The following LY96 variants were observed in gnomAD, a reference collection of about 807,000 sequenced individuals.
The protein encoded by LY96 is myeloid differentiation protein-2.
In LY96, 18 loss-of-function variants were observed where a neutral mutation model predicts 18.9. The observed-to-expected ratio is 0.95, with a 90% confidence interval of 0.66 to 1.41. The LOEUF (loss-of-function observed/expected upper bound fraction) is 1.41, where lower values mean the gene tolerates loss of function less well. Among genes scored for constraint, LY96 ranks in the 40% most tolerant of loss-of-function variants. The pLI is 0.00. For missense variants in LY96, 175 were observed against 182.4 expected (o/e 0.96, Z 0.23); for synonymous variants, 66 against 62.6 (o/e 1.06, Z -0.26).
chr8:74,014,812 TACACACAC>T (rs111566455), intron 3 of LY96, among the ~76,000 whole-genome samples: 10 of 144,774 alleles, frequency 6.9e-5, no homozygotes, highest in Admixed American at 2.1e-4. Flanking sequence ...CTCACCAGTT[TACACACAC>T]ACACACACAC....
At chr8:74,027,381 C>A (rs1191426011) in intron 4 of LY96, among the ~76,000 whole-genome samples, 2 of 150,554 alleles carry the variant, frequency 1.3e-5, no homozygotes, top group African/African-American at 4.9e-5. Flanking sequence ...TCTGGACTCA[C>A]TGCAACTTCC....
chr8:74,088,142 A>ATAGAATAGAATAGAC, the LY96 span, among the ~76,000 whole-genome samples: 1 of 150,552 alleles, frequency 6.6e-6, no homozygotes, highest in South Asian at 2.1e-4. Flanking sequence ...ATAGAATAGA[A>ATAGAATAGAATAGAC]TAGAATAGAA....
the LY96 span, among the ~76,000 whole-genome samples, chr8:74,083,656 G>T: frequency 1.3e-5 from 2 of 152,152 alleles, no homozygotes; most frequent in Non-Finnish European, 2.9e-5. Context: ...TTTGATAGGT[G>T]CCTATGTTGT....
At chr8:74,079,252 C>G in the LY96 span, among the ~76,000 whole-genome samples, 10 of 152,208 alleles carry the variant, frequency 6.6e-5, no homozygotes, top group African/African-American at 2.2e-4. Flanking sequence ...TGGAATTACT[C>G]CATCAGCTTT....
the LY96 span, among the ~76,000 whole-genome samples, chr8:74,093,885 G>T: frequency 1.3e-5 from 2 of 151,968 alleles, no homozygotes; most frequent in Non-Finnish European, 2.9e-5. Context: ...TGTATTTTTT[G>T]TTGTTGTTAA....
the LY96 span, among the ~76,000 whole-genome samples, chr8:74,036,049 G>A: frequency 5.9e-5 from 9 of 152,224 alleles, no homozygotes; most frequent in African/African-American, 1.4e-4. Context: ...ATAAACTTTC[G>A]AAATTGAGAC....
In LY96 at chr8:73,991,432, G is replaced by T; in HGVS notation, c.-11G>T. 7 of 1,410,238 alleles carry T rather than the reference G, an allele frequency of 5.0e-6. No homozygotes were observed. Among genetic ancestry groups the T allele is most frequent in the Non-Finnish European group, 7.0e-6 (7 of 994,450 alleles). The allele number at this position is 1,410,238 out of a possible 1,614,324, so 87.4% of individuals were successfully genotyped here. ...CTCTTTGCATTTGTAAAGCTTTGGAGATATTGAATCATGTTACCATTTCTG... is the reference window on the plus strand; with the variant it reads ...CTCTTTGCATTTGTAAAGCTTTGGATATATTGAATCATGTTACCATTTCTG... On this transcript the variant is annotated 5_prime_UTR_variant, in exon 1 of 5. Coordinates refer to ENST00000284818, the MANE Select transcript of LY96 (RefSeq NM_015364.5).
chr8:74,047,011 C>G, the LY96 span, among the ~76,000 whole-genome samples: 1 of 151,102 alleles, frequency 6.6e-6, no homozygotes, highest in African/African-American at 2.4e-5. Flanking sequence ...AAGCCATTAT[C>G]CTGCCTCAGC....
chr8:74,010,062 A>G lies in LY96; in HGVS notation c.264A>G (p.Pro88=). The stretch of plus-strand genomic sequence containing the variant: ...TAACTGTCAACACCATGAATCTTCC[A>G]AAGCGCAAAGAAGTTATTTGCCGAG... The part of the protein sequence containing the change: ...LYITVNTMNL[P]KRKEVICRGS... Residue 88 remains proline (P), a synonymous_variant, in exon 3 of 5, where the codon CCA becomes CCG. Coordinates refer to ENST00000284818, the MANE Select transcript of LY96 (RefSeq NM_015364.5). The G allele has an allele frequency of 2.5e-6, 4 of 1,612,112 alleles. No homozygotes were observed. Among genetic ancestry groups the G allele is most frequent in the Non-Finnish European group, 3.4e-6 (4 of 1,178,290 alleles).
intron 1 of LY96, among the ~76,000 whole-genome samples, chr8:73,996,798 G>T (rs888012543): frequency 6.6e-6 from 1 of 152,108 alleles, no homozygotes; most frequent in Non-Finnish European, 1.5e-5. Flanking sequence ...AGGCTGGAGT[G>T]CAGTGGTGCA....
At chr8:74,067,746 A>T in the LY96 span, among the ~76,000 whole-genome samples, 1,364 of 152,166 alleles carry the variant, frequency 9.0e-3, 21 homozygotes, top group African/African-American at 0.031. Context: ...AATATTTGCA[A>T]CCAACATCAC....
the LY96 span, among the ~76,000 whole-genome samples, chr8:74,079,905 G>T: frequency 6.6e-6 from 1 of 152,104 alleles, no homozygotes; most frequent in Non-Finnish European, 1.5e-5. Flanking sequence ...GTGTGTATGT[G>T]CATGCAGATG....
intron 3 of LY96, among the ~76,000 whole-genome samples, chr8:74,017,481 G>T (rs1272157876): frequency 6.6e-6 from 1 of 152,174 alleles, no homozygotes; most frequent in Non-Finnish European, 1.5e-5. Flanking sequence ...ACACTCTTCA[G>T]GATATTATCC....
At chr8:74,009,287 C>CCAGCGGCTGAG (rs1467844847) in intron 2 of LY96, among the ~76,000 whole-genome samples, 1 of 149,378 alleles carries the variant, frequency 6.7e-6, no homozygotes, top group African/African-American at 2.5e-5. Flanking sequence ...CCCAGCTACT[C>CCAGCGGCTGAG]CAGCGGCTGA....
the LY96 span, among the ~76,000 whole-genome samples, chr8:74,086,778 A>G: frequency 6.6e-6 from 1 of 152,218 alleles, no homozygotes; most frequent in African/African-American, 2.4e-5. Flanking sequence ...TAGTGCCCTT[A>G]TAAAAGAGGT....
At position 74,009,356 on chromosome 8, in the gene LY96, C is replaced by A. The variant is rs1400934785; in HGVS notation, c.203-645C>A. On this transcript the variant is annotated intron_variant, in intron 2 of 4. Transcript: ENST00000284818. ...GTTGCAGTGAGCCAAGATTACGCCA[C>A]TGCACTCCAGTCTTTCTCAAAAAAA... is the stretch of plus-strand genomic sequence containing the variant. Among the ~76,000 whole-genome samples the A allele has an allele frequency of 3.3e-5, 4 of 122,208 alleles. No homozygotes were observed. The Admixed American group carries it at 4.2e-4, about 13-fold the overall frequency. The allele number at this position is 122,208 out of a possible 152,430, so 80.2% of individuals were successfully genotyped here.
the LY96 span, among the ~76,000 whole-genome samples, chr8:74,091,391 C>T: frequency 6.6e-6 from 1 of 152,150 alleles, no homozygotes; most frequent in Admixed American, 6.5e-5. Context: ...TTAAATCCTG[C>T]CATTGTTAGG....
intron 3 of LY96, among the ~76,000 whole-genome samples, chr8:74,025,869 G>T (rs1469014978): frequency 6.6e-6 from 1 of 152,028 alleles, no homozygotes; most frequent in African/African-American, 2.4e-5. Context: ...TTAATCGGGT[G>T]TGGTGGCAGG....
At chr8:74,000,671 A>G (rs1238080851) in intron 1 of LY96, among the ~76,000 whole-genome samples, 1 of 152,086 alleles carries the variant, frequency 6.6e-6, no homozygotes, top group Non-Finnish European at 1.5e-5. Flanking sequence ...TTACAGCAAC[A>G]CCTCACCTCT....
Sources: allele counts gnomAD v4.1 joint callset (sites outside exome capture counted in the v4.1 genomes callset), GRCh38; gene constraint gnomAD v4.1.1; transcripts MANE v1.5; gene names NCBI Gene and HGNC (gene_info 2026-07-23, HGNC 2026-07-21).